The following WLS variants were observed in gnomAD, a reference collection of about 807,000 sequenced individuals.
WLS encodes the protein protein wntless homolog.
In WLS, 23 loss-of-function variants were observed where a neutral mutation model predicts 62.8. The observed-to-expected ratio is 0.37, with a 90% CI of 0.26 to 0.52. WLS has a LOEUF of 0.52. Among genes scored for constraint, WLS ranks in the 20% least tolerant of loss-of-function variants. WLS has a pLI of 0.92. For missense variants in WLS, 615 were observed against 697.3 expected, an observed-to-expected ratio of 0.88 and a Z score of 1.33; for synonymous variants, 246 against 244.1, an observed-to-expected ratio of 1.01 and a Z score of -0.07.
chr1:68,180,668 C>T (rs1647510963), intron 2 of WLS, among the ~76,000 whole-genome samples: 1 of 152,164 alleles, frequency 6.6e-6, no homozygotes, highest in Admixed American at 6.5e-5. Context: ...AGCATGGGCT[C>T]CCAGAGCTCA....
At chr1:68,200,817 T>C (rs1191870267) in intron 1 of WLS, among the ~76,000 whole-genome samples, 2 of 152,206 alleles carry the variant, frequency 1.3e-5, no homozygotes, top group Non-Finnish European at 2.9e-5. Context: ...TATCTAAATA[T>C]CTCTGCTTGC....
intron 2 of WLS, among the ~76,000 whole-genome samples, chr1:68,169,142 C>T (rs1430743): frequency 0.059 from 8,938 of 152,256 alleles, 284 homozygotes; most frequent in Middle Eastern, 0.11. Flanking sequence ...CTAAGCATTG[C>T]AAAACTGGTT....
At chr1:68,136,927 A>G (rs1432068584) in intron 11 of WLS, among the ~76,000 whole-genome samples, 1 of 152,226 alleles carries the variant, frequency 6.6e-6, no homozygotes, top group Non-Finnish European at 1.5e-5. Context: ...GATTTGAGAA[A>G]GGGCTTCCTA....
chr1:68,114,902 C>T (rs1440429949), intron 11 of WLS, among the ~76,000 whole-genome samples: 1 of 152,192 alleles, frequency 6.6e-6, no homozygotes, highest in African/African-American at 2.4e-5. Flanking sequence ...CTGGAGTGAC[C>T]TCAGTGGTAG....
At position 68,197,415 on chromosome 1, in the gene WLS, C is replaced by T. The variant is rs1408686090; in HGVS notation, c.107-3188G>A. On this transcript the variant is annotated intron_variant, in intron 1 of 11. Transcript: ENST00000262348. ...ATCTCAAGCTATACTGTGAGAATCA[C>T]AATTTTTTTCACTTGAATAAATTAG... Among the ~76,000 whole-genome samples, 5 of 152,130 alleles carry T rather than the reference C, an allele frequency of 3.3e-5. No homozygotes were observed. The South Asian group carries it at 1.0e-3, about 31-fold the overall frequency.
chr1:68,104,504 A>G (rs1244616287), intron 11 of WLS, among the ~76,000 whole-genome samples: 1 of 127,146 alleles, frequency 7.9e-6, no homozygotes, highest in Non-Finnish European at 1.8e-5. Flanking sequence ...GTGCAATATC[A>G]TATGATCCCT....
intron 2 of WLS, among the ~76,000 whole-genome samples, chr1:68,167,091 A>C (rs895108074): frequency 5.9e-5 from 9 of 152,204 alleles, no homozygotes; most frequent in African/African-American, 2.2e-4. Flanking sequence ...CTGTTAGGAT[A>C]AGACTTAACG....
In WLS at chr1:68,153,623, C is replaced by T. The variant is rs778381265; in HGVS notation, c.697G>A (p.Val233Met). The T allele has an allele frequency of 1.2e-6, 2 of 1,614,210 alleles. No homozygotes were observed. The highest frequency in any genetic ancestry group is 1.7e-6 in the Non-Finnish European group (2 of 1,180,034). Residue 233 changes from valine (V) to methionine (M), a missense_variant, in exon 5 of 12, where the codon GTG (valine) becomes ATG (methionine). Val to Met is a conservative substitution (Grantham distance 21, BLOSUM62 1). Coordinates refer to ENST00000262348, the MANE Select transcript of WLS (RefSeq NM_024911.7). The part of the protein sequence containing the change: ...GIHQNGGFTK[V>M]WFAMKTFLTP... The stretch of plus-strand genomic sequence containing the variant: ...AGGAAGGTCTTCATGGCAAACCACA[C>T]CTTGGTGAAGCCTCCATTTTGGTGG...
rs368391265 is a variant in WLS at position 68,148,636 on chromosome 1, C to A, written c.997G>T (p.Ala333Ser). Residue 333 changes from alanine to serine, a missense_variant, in exon 7 of 12, where the codon GCA becomes TCA. Physicochemically the swap from Ala to Ser is moderately conservative, Grantham distance 99. Coordinates refer to ENST00000262348, the MANE Select transcript of WLS (RefSeq NM_024911.7). ...MMDQHERNHI[A>S]GYWKQVGPIA... ...GGTCCGACTTGCTTCCAATACCCTGCGATGTGGTTCCGCTCGTGCTGATCC... is the reference window on the plus strand; with the variant it reads ...GGTCCGACTTGCTTCCAATACCCTGAGATGTGGTTCCGCTCGTGCTGATCC... The A allele has an allele frequency of 3.2e-5, 52 of 1,613,800 alleles. No homozygotes were observed. Among genetic ancestry groups the A allele is most frequent in the Non-Finnish European group, 4.2e-5 (50 of 1,179,972 alleles).
intron 1 of WLS, among the ~76,000 whole-genome samples, chr1:68,210,121 G>A (rs964464302): frequency 1.3e-5 from 2 of 152,184 alleles, no homozygotes; most frequent in African/African-American, 2.4e-5. Context: ...ACATCAACAA[G>A]CTGATTTTTG....
intron 2 of WLS, chr1:68,176,260 G>A (rs1647252873): frequency 7.2e-6 from 1 of 139,632 alleles, no homozygotes; most frequent in Non-Finnish European, 1.6e-5. Flanking sequence ...TCACCCAGCT[G>A]GTGGTGGCAG....
Position 68,189,326 on chromosome 1 carries a change from A to G in WLS, c.379+4629T>C, listed in dbSNP as rs1040379163. 4.0e-5 allele frequency among the ~76,000 whole-genome samples: 6 copies of G among 151,150 alleles called. No individual in the cohort carries two copies. The Admixed American group carries it at 4.0e-4, about 10-fold the overall frequency. ...AGAAGATGAAAGTTCTCAACTTAAA[A>G]GAAAAAAAAATCTTATGCTGAGGTT... is the stretch of plus-strand genomic sequence containing the variant. On this transcript the variant is annotated intron_variant, in intron 2 of 11. Coordinates refer to ENST00000262348, the MANE Select transcript of WLS (RefSeq NM_024911.7).
intron 2 of WLS, among the ~76,000 whole-genome samples, chr1:68,172,650 A>C (rs1445415590): frequency 6.6e-6 from 1 of 152,222 alleles, no homozygotes. Context: ...TAGAAGGTCA[A>C]GAATTGTAGC....
At chr1:68,118,875 C>CCA (rs1646328835) in intron 11 of WLS, among the ~76,000 whole-genome samples, 1 of 26,384 alleles carries the variant, frequency 3.8e-5, no homozygotes, top group African/African-American at 1.2e-4. Context: ...GACTCTGTCT[C>CCA]AAAAAAAAAA....
At chr1:68,212,197 G>A (rs1338935927) in intron 1 of WLS, among the ~76,000 whole-genome samples, 1 of 152,160 alleles carries the variant, frequency 6.6e-6, no homozygotes, top group Non-Finnish European at 1.5e-5. Flanking sequence ...TGTTGTGAAA[G>A]CAGACAGGAT....
chr1:68,103,600 A>G (rs896384256), intron 11 of WLS, among the ~76,000 whole-genome samples: 3 of 152,230 alleles, frequency 2.0e-5, no homozygotes, highest in African/African-American at 7.2e-5. Context: ...TTATTTTAAA[A>G]TGGATTCAGA....
At chr1:68,173,027 C>A (rs1647177363) in intron 2 of WLS, among the ~76,000 whole-genome samples, 1 of 152,152 alleles carries the variant, frequency 6.6e-6, no homozygotes, top group Non-Finnish European at 1.5e-5. Context: ...AAAGAGACAT[C>A]CTAAGGAAAC....
At chr1:68,160,522 C>T (rs966714602) in intron 2 of WLS, among the ~76,000 whole-genome samples, 1 of 152,162 alleles carries the variant, frequency 6.6e-6, no homozygotes. Context: ...ACGCACTTGC[C>T]TTAAACATCT....
intron 11 of WLS, chr1:68,102,698 G>GA (rs1228596422): frequency 2.0e-5 from 3 of 152,206 alleles, no homozygotes; most frequent in African/African-American, 7.2e-5. Flanking sequence ...AACGGGCCTT[G>GA]AAATGTAACC....
Sources: allele counts gnomAD v4.1 joint callset (sites outside exome capture counted in the v4.1 genomes callset), GRCh38; gene constraint gnomAD v4.1.1; transcripts MANE v1.5; gene names NCBI Gene and HGNC (gene_info 2026-07-23, HGNC 2026-07-21).